The following TRIT1 variants were observed in gnomAD, a reference collection of about 807,000 sequenced individuals.
TRIT1 encodes the protein tRNA isopentenyltransferase 1.
In TRIT1, 43 loss-of-function variants were observed where a neutral mutation model predicts 51.2. The ratio of observed to expected loss-of-function variants is 0.84; its 90% CI spans 0.66 to 1.08. The LOEUF (loss-of-function observed/expected upper bound fraction) is 1.08. TRIT1 is among the 50% of genes least tolerant of loss of function. The probability of loss-of-function intolerance (pLI) is 0.00; values close to 1 mark genes in which losing one functional copy is unlikely to be tolerated. For missense variants in TRIT1, 528 were observed against 578.4 expected (o/e 0.91, Z 0.89); for synonymous variants, 184 against 203.9 (o/e 0.90, Z 0.83).
At chr1:39,876,227 T>C (rs1644048659) in intron 1 of TRIT1, 1 of 152,260 alleles carries the variant, frequency 6.6e-6, no homozygotes, top group Admixed American at 6.6e-5. Context: ...CTCAAATATA[T>C]CTTTTTGAAG....
At chr1:39,850,074 C>T (rs752061828) in intron 5 of TRIT1, 45 bp downstream of exon 5, 5 of 1,602,704 alleles carry the variant, frequency 3.1e-6, no homozygotes, top group East Asian at 2.2e-5. Flanking sequence ...CTTATTACTC[C>T]AAGTTCCATC....
intron 1 of TRIT1, among the ~76,000 whole-genome samples, chr1:39,877,034 A>AC (rs1484692459): frequency 6.6e-6 from 1 of 150,726 alleles, no homozygotes; most frequent in African/African-American, 2.4e-5. Flanking sequence ...AAAAAAAAAA[A>AC]AAAAAAAAAA....
chr1:39,883,458 C>G lies in TRIT1; in HGVS notation c.34G>C (p.Val12Leu), dbSNP rs777523310. 7.5e-6 allele frequency: 12 copies of G among 1,603,456 alleles called. No individual in the cohort carries two copies. Among genetic ancestry groups the G allele is most frequent in the Admixed American group, 6.7e-5 (4 of 59,748 alleles). The change falls in exon 1 of 11, where the codon GTG becomes CTG. Residue 12 changes from valine (V) to leucine (L), a missense_variant. Transcript: ENST00000316891. Reference sequence around the variant, plus strand: ...TGCAGGCCCCTGAGCCCACTGCCCACGGGAACTGCTCGTGCAGCCGCCACG... The same window carrying G: ...TGCAGGCCCCTGAGCCCACTGCCCAGGGGAACTGCTCGTGCAGCCGCCACG... Reference protein sequence around the residue: ...ASVAAARAVPVGSGLRGLQRT... With the variant: ...ASVAAARAVPLGSGLRGLQRT...
intron 1 of TRIT1, among the ~76,000 whole-genome samples, chr1:39,857,808 A>C (rs1642988667): frequency 1.3e-5 from 2 of 152,218 alleles, no homozygotes; most frequent in South Asian, 4.1e-4. Context: ...TTCTACTTCA[A>C]AATGCTTAGG....
chr1:39,878,425 T>C (rs569541634), intron 1 of TRIT1, among the ~76,000 whole-genome samples: 1 of 152,332 alleles, frequency 6.6e-6, no homozygotes, highest in East Asian at 1.9e-4. Context: ...CTTGGGTAGG[T>C]GTTGCCTTGG....
intron 1 of TRIT1, among the ~76,000 whole-genome samples, chr1:39,876,788 C>T (rs1449306481): frequency 1.3e-5 from 2 of 151,424 alleles, no homozygotes; most frequent in African/African-American, 2.4e-5. Context: ...ATTAGCCAGG[C>T]GTGGTGGCGG....
intron 1 of TRIT1, among the ~76,000 whole-genome samples, chr1:39,872,475 T>C (rs1432002260): frequency 1.3e-5 from 2 of 152,138 alleles, no homozygotes; most frequent in Non-Finnish European, 2.9e-5. Context: ...AACTACAGGT[T>C]ACACAAATAA....
chr1:39,844,714 CCTCCAGGGAAATA>C lies in TRIT1; in HGVS notation c.1007-87_1007-75del, dbSNP rs1460116079. The C allele has an allele frequency of 2.8e-6, 3 of 1,061,930 alleles. No homozygotes were observed. The Admixed American group carries it at 5.4e-5, about 19-fold the overall frequency. 65.8% of individuals were successfully genotyped at this position (1,061,930 alleles called of 1,614,324 possible). On this transcript the variant is annotated intron_variant, in intron 8 of 10. Transcript: ENST00000316891. Reference sequence around the variant, plus strand: ...TATTCTGCAGCCAGGACTCTGAAATCCTCCAGGGAAATACACAGAGCCAAAGGAGTAAACATTC... The same window carrying C: ...TATTCTGCAGCCAGGACTCTGAAATCCACAGAGCCAAAGGAGTAAACATTC...
chr1:39,848,928 A>G (rs1369440151), intron 5 of TRIT1, among the ~76,000 whole-genome samples: 2 of 152,074 alleles, frequency 1.3e-5, no homozygotes, highest in African/African-American at 4.8e-5. Flanking sequence ...CAGCTTTACT[A>G]TGAATCAGAT....
chr1:39,862,696 A>G (rs1164819824), intron 1 of TRIT1: 3 of 831,408 alleles, frequency 3.6e-6, no homozygotes, highest in African/African-American at 3.7e-5. Context: ...GGTCACATCC[A>G]TGCTCTAAAT....
intron 1 of TRIT1, among the ~76,000 whole-genome samples, chr1:39,873,451 A>C (rs1643943880): frequency 6.6e-6 from 1 of 152,230 alleles, no homozygotes; most frequent in Non-Finnish European, 1.5e-5. Context: ...GTAAAAGACA[A>C]GGAAAGACTG....
intron 1 of TRIT1, among the ~76,000 whole-genome samples, chr1:39,881,227 CAA>C (rs56205358): frequency 1.1e-3 from 87 of 80,104 alleles, no homozygotes; most frequent in Admixed American, 2.1e-3. Context: ...ACTCTGTCTC[CAA>C]AAAAAAAAAA....
chr1:39,865,675 A>T (rs900620239), intron 1 of TRIT1, among the ~76,000 whole-genome samples: 2 of 146,080 alleles, frequency 1.4e-5, no homozygotes, highest in African/African-American at 5.2e-5. Context: ...TCTCTACAAA[A>T]AAAAAAAAAA....
At chr1:39,843,127 G>T (rs938879682) in intron 10 of TRIT1, among the ~76,000 whole-genome samples, 1 of 152,134 alleles carries the variant, frequency 6.6e-6, no homozygotes, top group African/African-American at 2.4e-5. Context: ...TCTTCTGCTG[G>T]TTGGGCAATC....
chr1:39,847,311 T>C lies in TRIT1; in HGVS notation c.929-14A>G. 1 of 1,612,290 alleles carries C rather than the reference T, an allele frequency of 6.2e-7. No individual in the cohort carries two copies. The highest frequency in any genetic ancestry group is 8.5e-7 in the Non-Finnish European group (1 of 1,178,356). On this transcript the variant is annotated splice_polypyrimidine_tract_variant and intron_variant, in intron 7 of 10. Coordinates refer to ENST00000316891, the MANE Select transcript of TRIT1 (RefSeq NM_017646.6). ...GAGCCTCAATACCTGAAAGATACAG[T>C]AGATTTAAGAACATCTAGGTAAGCA...
At chr1:39,847,108 T>A (rs1485925440) in intron 8 of TRIT1, 112 bp downstream of exon 8, 7 of 807,696 alleles carry the variant, frequency 8.7e-6, no homozygotes, top group Non-Finnish European at 1.4e-5. Context: ...TTAGGTCAGA[T>A]CCAAAATCTT....
chr1:39,870,053 G>A (rs1027808498), intron 1 of TRIT1, among the ~76,000 whole-genome samples: 18 of 152,240 alleles, frequency 1.2e-4, no homozygotes, highest in Non-Finnish European at 1.9e-4. Context: ...GACGATGGCG[G>A]TTTTGTCAAG....
At chr1:39,867,976 G>A (rs1386553092) in intron 1 of TRIT1, among the ~76,000 whole-genome samples, 2 of 149,164 alleles carry the variant, frequency 1.3e-5, no homozygotes, top group South Asian at 4.2e-4. Context: ...ATGGAGTCTC[G>A]CTCTGTCGCC....
rs1239766619 is a variant in TRIT1 at position 39,853,965 on chromosome 1, C to G, written c.414+5G>C. 1.2e-6 allele frequency: 2 copies of G among 1,603,162 alleles called. No homozygotes were observed. The highest frequency in any genetic ancestry group is 3.4e-5 in the Admixed American group (2 of 59,418). ...CTCAGTGAGTTACGAGTGAACTAAACTTACCTTGGTATTGACAAGAACTTT... is the reference window on the plus strand; with the variant it reads ...CTCAGTGAGTTACGAGTGAACTAAAGTTACCTTGGTATTGACAAGAACTTT... On this transcript the variant is annotated splice_donor_5th_base_variant and intron_variant, in intron 3 of 10. Transcript: ENST00000316891.
Sources: gnomAD v4.1 joint callset for allele counts (sites outside exome capture counted in the v4.1 genomes callset) on GRCh38, gnomAD v4.1.1 for gene constraint, MANE v1.5 for transcripts, NCBI Gene and HGNC (gene_info 2026-07-23, HGNC 2026-07-21) for gene names.